KIAA0586: variants seen among roughly 807,000 people sequenced by gnomAD.
KIAA0586 encodes KIAA0586, also known as protein TALPID3.
A neutral mutation model predicts 169.8 loss-of-function variants in KIAA0586; 144 were observed. The ratio of observed to expected loss-of-function variants is 0.85; its 90% CI spans 0.74 to 0.97. KIAA0586 has a LOEUF of 0.97. Among genes scored for constraint, KIAA0586 ranks in the 50% least tolerant of loss-of-function variants. KIAA0586 has a pLI of 0.00. For synonymous variants in KIAA0586, 625 were observed against 612.4 expected (o/e 1.02, Z -0.30); for missense variants, 1,854 against 1,823.0 (o/e 1.02, Z -0.31).
At chr14:58,432,123 A>T (rs766327233) in intron 3 of KIAA0586, among the ~76,000 whole-genome samples, 8 of 152,004 alleles carry the variant, frequency 5.3e-5, no homozygotes, top group Non-Finnish European at 8.8e-5. Flanking sequence ...GAGTGGTAAG[A>T]GTGGGCATCC....
chr14:58,505,350 G>A (rs562562554), intron 27 of KIAA0586, among the ~76,000 whole-genome samples: 1 of 152,102 alleles, frequency 6.6e-6, no homozygotes, highest in African/African-American at 2.4e-5. Flanking sequence ...AATTTATTTA[G>A]TTGTTTCTCT....
rs17094501 is a variant in KIAA0586 at position 58,439,818 on chromosome 14, C to T, written c.411-2888C>T. The stretch of plus-strand genomic sequence containing the variant: ...GTTCTGTGATGCCCTTAAAAGTCGA[C>T]GGGGAAGTCCAGCAGCTGGAGATGG... On this transcript the variant is annotated intron_variant, in intron 4 of 30. Transcript: ENST00000652326. 3,097 of 983,646 alleles carry T rather than the reference C, an allele frequency of 3.1e-3. 314 individuals are homozygous for T. The East Asian group carries it at 0.25, about 80-fold the overall frequency. 60.9% of individuals were successfully genotyped at this position (983,646 alleles called of 1,614,324 possible).
At chr14:58,465,315 A>G (rs949763700) in intron 14 of KIAA0586, among the ~76,000 whole-genome samples, 4 of 152,236 alleles carry the variant, frequency 2.6e-5, no homozygotes, top group Admixed American at 1.3e-4. Context: ...TAAAGGTGTA[A>G]TGAGAAAATG....
chr14:58,528,739 G>A (rs951344369), intron 29 of KIAA0586, among the ~76,000 whole-genome samples: 26 of 152,064 alleles, frequency 1.7e-4, no homozygotes, highest in African/African-American at 5.3e-4. Context: ...CTAAATGCCC[G>A]CAGGAGAAAG....
At chr14:58,538,586 T>C (rs776885413) in intron 29 of KIAA0586, among the ~76,000 whole-genome samples, 4 of 152,130 alleles carry the variant, frequency 2.6e-5, no homozygotes, top group Non-Finnish European at 4.4e-5. Context: ...CCAATTATAC[T>C]CAGTTATTTT....
At chr14:58,534,168 T>C (rs1395463381) in intron 29 of KIAA0586, among the ~76,000 whole-genome samples, 1 of 152,198 alleles carries the variant, frequency 6.6e-6, no homozygotes, top group Non-Finnish European at 1.5e-5. Flanking sequence ...AAAATAGATT[T>C]TCTGTGTATA....
chr14:58,456,328 A>T (rs1389660435), intron 9 of KIAA0586, among the ~76,000 whole-genome samples: 1 of 152,152 alleles, frequency 6.6e-6, no homozygotes, highest in Non-Finnish European at 1.5e-5. Context: ...GAGGTTAGAA[A>T]AACTTGATTT....
chr14:58,462,828 C>T (rs547649466), intron 14 of KIAA0586, among the ~76,000 whole-genome samples: 6 of 152,240 alleles, frequency 3.9e-5, no homozygotes, highest in Admixed American at 1.3e-4. Flanking sequence ...CGAAGGGAAG[C>T]AAGGCATGTC....
chr14:58,543,179 AT>A (rs1414540817), intron 30 of KIAA0586, among the ~76,000 whole-genome samples: 1 of 150,532 alleles, frequency 6.6e-6, no homozygotes, highest in Non-Finnish European at 1.5e-5. Context: ...TGGTACTCAT[AT>A]TTTTTTTATA....
At chr14:58,476,045 C>T (rs1397756268) in intron 19 of KIAA0586, among the ~76,000 whole-genome samples, 1 of 152,162 alleles carries the variant, frequency 6.6e-6, no homozygotes, top group Non-Finnish European at 1.5e-5. Context: ...TTGCAGTGAG[C>T]TGAGACTGTG....
intron 14 of KIAA0586, among the ~76,000 whole-genome samples, chr14:58,465,014 T>A (rs1230834845): frequency 6.6e-6 from 1 of 152,018 alleles, no homozygotes; most frequent in South Asian, 2.1e-4. Flanking sequence ...AGAGGTTGCA[T>A]TGAGCTAAGA....
chr14:58,502,991 T>C (rs375516873), intron 27 of KIAA0586, among the ~76,000 whole-genome samples: 51 of 152,318 alleles, frequency 3.3e-4, no homozygotes, highest in African/African-American at 1.2e-3. Context: ...CTATTTTCTG[T>C]AGTCCTCTAT....
chr14:58,543,180 T>C (rs954559128), intron 30 of KIAA0586, among the ~76,000 whole-genome samples: 3 of 151,568 alleles, frequency 2.0e-5, no homozygotes, highest in African/African-American at 7.3e-5. Flanking sequence ...GGTACTCATA[T>C]TTTTTTTATA....
intron 4 of KIAA0586, among the ~76,000 whole-genome samples, chr14:58,442,152 C>T (rs563494549): frequency 6.6e-6 from 1 of 152,200 alleles, no homozygotes; most frequent in Non-Finnish European, 1.5e-5. Flanking sequence ...CTGTGTCACC[C>T]AGGCTGGAGT....
chr14:58,499,235 A>G (rs1370316181), intron 27 of KIAA0586, among the ~76,000 whole-genome samples: 1 of 152,028 alleles, frequency 6.6e-6, no homozygotes, highest in Non-Finnish European at 1.5e-5. Context: ...TTTAACTGTG[A>G]TACTTTTATT....
chr14:58,508,821 A>G (rs2044184728), intron 28 of KIAA0586, 112 bp downstream of exon 28: 1 of 748,652 alleles, frequency 1.3e-6, no homozygotes, highest in African/African-American at 1.8e-5. Flanking sequence ...GCTTCAAATC[A>G]TGCCTCCTTT....
chr14:58,550,155 T>C lies in KIAA0586; in HGVS notation c.*2223T>C, dbSNP rs2047167380. 1.3e-5 allele frequency: 2 copies of C among 152,058 alleles called. No homozygotes were observed. Among genetic ancestry groups the C allele is most frequent in the African/African-American group, 4.8e-5 (2 of 41,340 alleles). 9.4% of individuals were successfully genotyped at this position (152,058 alleles called of 1,614,324 possible). On this transcript the variant is annotated 3_prime_UTR_variant, in exon 31 of 31. Coordinates refer to ENST00000652326, the MANE Select transcript of KIAA0586 (RefSeq NM_001329943.3). ...CTGGGATTACAGGCGTGCGCCACCA[T>C]GCCCGGCAAATTTTGTATTTTTAGT...
In KIAA0586 at chr14:58,487,870, T is replaced by A. The variant is rs75102658; in HGVS notation, c.3305-17T>A. 2.9e-5 allele frequency: 40 copies of A among 1,369,654 alleles called. No homozygotes were observed. The highest frequency in any genetic ancestry group is 1.2e-4 in the African/African-American group (8 of 68,996). The allele number at this position is 1,369,654 out of a possible 1,614,324, so 84.8% of individuals were successfully genotyped here. A position where few individuals can be genotyped will look rare whatever the true frequency, so the allele number is the denominator to read the frequency against. ...TGACTACTATCTTTTTCTGTCCTTT[T>A]AAAAAAAAACCTTTAGGAGATGATA... is the stretch of plus-strand genomic sequence containing the variant. On this transcript the variant is annotated splice_polypyrimidine_tract_variant and intron_variant, in intron 22 of 30. Coordinates refer to ENST00000652326, the MANE Select transcript of KIAA0586 (RefSeq NM_001329943.3).
rs57924639 is a variant in KIAA0586 at position 58,550,617 on chromosome 14, T to G, written c.*2685T>G. The G allele has an allele frequency of 0.11, 16,977 of 151,778 alleles. 1,273 individuals carry two copies. The highest frequency in any genetic ancestry group is 0.2 in the African/African-American group (8,447 of 41,320). The allele number at this position is 151,778 out of a possible 1,614,324, so 9.4% of individuals were successfully genotyped here. A position where few individuals can be genotyped will look rare whatever the true frequency, so the allele number is the denominator to read the frequency against. On this transcript the variant is annotated 3_prime_UTR_variant, in exon 31 of 31. Coordinates refer to ENST00000652326, the MANE Select transcript of KIAA0586 (RefSeq NM_001329943.3). Reference sequence around the variant, plus strand: ...TTTGGGAGGCCGAGGGTGGATCACTTGAGCTCAGGAGTTTGAGACCAGCCT... The same window carrying G: ...TTTGGGAGGCCGAGGGTGGATCACTGGAGCTCAGGAGTTTGAGACCAGCCT...
Sources: allele counts gnomAD v4.1 joint callset (sites outside exome capture counted in the v4.1 genomes callset), GRCh38; gene constraint gnomAD v4.1.1; transcripts MANE v1.5; gene names NCBI Gene and HGNC (gene_info 2026-07-23, HGNC 2026-07-21).